Variants in FMOD observed in about 807,000 individuals in gnomAD.
FMOD encodes fibromodulin.
In FMOD, 15 loss-of-function variants were observed where a neutral mutation model predicts 27.0. That is an observed-to-expected ratio of 0.55 (90% CI 0.37 to 0.85). The LOEUF (loss-of-function observed/expected upper bound fraction) is 0.85. Among genes scored for constraint, FMOD ranks in the 40% least tolerant of loss-of-function variants. The pLI, the probability that FMOD is intolerant of heterozygous loss-of-function variation, is 0.00. For synonymous variants in FMOD, 210 were observed against 214.0 expected (o/e 0.98, Z 0.16); for missense variants, 460 against 483.2 (o/e 0.95, Z 0.45).
At position 203,347,925 on chromosome 1, in the gene FMOD, G is replaced by A; in HGVS notation, c.346C>T (p.Gln116Ter). 1 of 1,612,196 alleles carries A rather than the reference G, an allele frequency of 6.2e-7. No homozygotes were observed. Among genetic ancestry groups the A allele is most frequent in the African/African-American group, 1.3e-5 (1 of 74,996 alleles). The stretch of plus-strand genomic sequence containing the variant: ...ACGCCTTCCTGGATGGAGGTGATCT[G>A]GTTGTTCTGGAAGTACACATACTTC... ...RMKYVYFQNN[Q>*]ITSIQEGVFD... Residue 116 changes from glutamine (Q) to a stop codon, truncating the protein, a stop_gained, in exon 2 of 3, where the codon CAG becomes TAG. Coordinates refer to ENST00000354955, the MANE Select transcript of FMOD (RefSeq NM_002023.5). LOFTEE classifies it high-confidence loss of function.
At chr1:203,345,795 G>T (rs1658877274) in intron 2 of FMOD, among the ~76,000 whole-genome samples, 1 of 151,890 alleles carries the variant, frequency 6.6e-6, no homozygotes, top group South Asian at 2.1e-4. Flanking sequence ...CTACTCAAGA[G>T]GCTGAGGCAG....
chr1:203,345,232 G>T (rs2102302642), intron 2 of FMOD, among the ~76,000 whole-genome samples: 2 of 152,306 alleles, frequency 1.3e-5, no homozygotes, highest in Middle Eastern at 6.8e-3. Context: ...CAGAGAATTT[G>T]TTTGCGGGAC....
At chr1:203,348,765 G>C (rs1005491560) in intron 1 of FMOD, among the ~76,000 whole-genome samples, 1 of 152,238 alleles carries the variant, frequency 6.6e-6, no homozygotes, top group Non-Finnish European at 1.5e-5. Context: ...TAGGATGGGA[G>C]ACCTCCAGAA....
intron 1 of FMOD, among the ~76,000 whole-genome samples, chr1:203,349,157 C>T (rs1486865858): frequency 2.0e-5 from 3 of 152,236 alleles, no homozygotes; most frequent in African/African-American, 2.4e-5. Context: ...TAGCACTCCT[C>T]ATGCTCCACC....
Position 203,342,101 on chromosome 1 carries a change from G to A in FMOD, c.*242C>T. ...GATTTATGGGGTTGGAACATCCAGG[G>A]ATCCTTCCATCTACCACCACTTCTG... On this transcript the variant is annotated 3_prime_UTR_variant, in exon 3 of 3. Transcript: ENST00000354955. 1 of 477,926 alleles carries A rather than the reference G, an allele frequency of 2.1e-6. No homozygotes were observed. The highest frequency in any genetic ancestry group is 3.7e-6 in the Non-Finnish European group (1 of 268,904). The allele number at this position is 477,926 out of a possible 1,614,324, so 29.6% of individuals were successfully genotyped here. A position where few individuals can be genotyped will look rare whatever the true frequency, so the allele number is the denominator to read the frequency against.
intron 2 of FMOD, among the ~76,000 whole-genome samples, chr1:203,344,869 G>C (rs1207947674): frequency 6.6e-6 from 1 of 152,138 alleles, no homozygotes; most frequent in Non-Finnish European, 1.5e-5. Flanking sequence ...CCTGGCTCTA[G>C]GTCCTTTAGG....
chr1:203,348,984 C>T (rs1419150090), intron 1 of FMOD, among the ~76,000 whole-genome samples: 4 of 152,230 alleles, frequency 2.6e-5, no homozygotes, highest in Non-Finnish European at 5.9e-5. Context: ...TTTGTGGCTA[C>T]ACATGCAACT....
At chr1:203,344,196 G>T (rs1246541717) in intron 2 of FMOD, among the ~76,000 whole-genome samples, 1 of 152,130 alleles carries the variant, frequency 6.6e-6, no homozygotes, top group Non-Finnish European at 1.5e-5. Context: ...AAGCAAAGTG[G>T]CTCAGCTTAA....
chr1:203,342,441 G>T lies in FMOD; in HGVS notation c.1033C>A (p.Leu345Met), dbSNP rs1658811803. The change falls in exon 3 of 3, where the codon CTG becomes ATG. Residue 345 changes from leucine to methionine, a missense_variant. Physicochemically the swap from Leu to Met is conservative, Grantham distance 15. Coordinates refer to ENST00000354955, the MANE Select transcript of FMOD (RefSeq NM_002023.5). ...TVVDVVNFSK[L>M]QVLRLDGNEI... ...TTCCCGTCCAGGCGCAGCACCTGCA[G>T]CTTGGAGAAGTTCACGACGTCCACC... 6.2e-7 allele frequency: 1 copy of T among 1,614,214 alleles called. No homozygotes were observed. The highest frequency in any genetic ancestry group is 2.2e-5 in the East Asian group (1 of 44,886).
At chr1:203,350,576 A>AACACAC (rs754601876) in intron 1 of FMOD, among the ~76,000 whole-genome samples, 2,103 of 131,660 alleles carry the variant, frequency 0.016, 42 homozygotes, top group African/African-American at 0.058. Context: ...TTCCACTCCA[A>AACACAC]ACACACACAC....
At chr1:203,350,506 A>C (rs1571521486) in intron 1 of FMOD, among the ~76,000 whole-genome samples, 1 of 151,588 alleles carries the variant, frequency 6.6e-6, no homozygotes, top group African/African-American at 2.4e-5. Context: ...TTGCATCCCC[A>C]CCCCAATCCA....
Position 203,342,193 on chromosome 1 carries a change from C to G in FMOD, c.*150G>C, listed in dbSNP as rs113444349. ...AGGCTGCCTGTCCCTGATCGCCCCC[C>G]CTAACCCCACCTACAGGAAAGAAGA... On this transcript the variant is annotated 3_prime_UTR_variant, in exon 3 of 3. Transcript: ENST00000354955. 7.9e-5 allele frequency: 76 copies of G among 957,524 alleles called. No individual in the cohort carries two copies. Among genetic ancestry groups the G allele is most frequent in the Admixed American group, 8.8e-5 (3 of 34,080 alleles). The allele number at this position is 957,524 out of a possible 1,614,324, so 59.3% of individuals were successfully genotyped here.
At chr1:203,344,716 C>A (rs559911268) in intron 2 of FMOD, among the ~76,000 whole-genome samples, 4 of 152,284 alleles carry the variant, frequency 2.6e-5, no homozygotes, top group South Asian at 2.1e-4. Context: ...ACCTCCAACA[C>A]CCCCCATCCC....
Position 203,341,011 on chromosome 1 carries a change from G to A in FMOD, c.*1332C>T, listed in dbSNP as rs903754349. The A allele has an allele frequency of 1.3e-5, 2 of 152,324 alleles. No individual in the cohort carries two copies. Among genetic ancestry groups the A allele is most frequent in the Non-Finnish European group, 2.9e-5 (2 of 68,078 alleles). The allele number at this position is 152,324 out of a possible 1,614,324, so 9.4% of individuals were successfully genotyped here. Reference sequence around the variant, plus strand: ...CCAACCTTGCCCAAAGGGCAGGTGGGTTAAGCCCCAGGCAACATTACCTTT... The same window carrying A: ...CCAACCTTGCCCAAAGGGCAGGTGGATTAAGCCCCAGGCAACATTACCTTT... On this transcript the variant is annotated 3_prime_UTR_variant, in exon 3 of 3. Coordinates refer to ENST00000354955, the MANE Select transcript of FMOD (RefSeq NM_002023.5).
chr1:203,343,212 CT>C (rs1658827609), intron 2 of FMOD, among the ~76,000 whole-genome samples: 1 of 152,124 alleles, frequency 6.6e-6, no homozygotes, highest in Non-Finnish European at 1.5e-5. Context: ...TTTTTTAAAC[CT>C]GAAAAGAAGT....
chr1:203,348,823 C>A (rs111300721), intron 1 of FMOD, among the ~76,000 whole-genome samples: 2,364 of 152,336 alleles, frequency 0.016, 63 homozygotes, highest in African/African-American at 0.054. Context: ...TCTGGAAAAT[C>A]TTTTGGTCTC....
chr1:203,341,925 C>G lies in FMOD; in HGVS notation c.*418G>C, dbSNP rs747001154. ...AGCAACAAATGGGAGCCCAGAGTAACTGCACGACCAGCCCAGCACAGAGGG... is the reference window on the plus strand; with the variant it reads ...AGCAACAAATGGGAGCCCAGAGTAAGTGCACGACCAGCCCAGCACAGAGGG... On this transcript the variant is annotated 3_prime_UTR_variant, in exon 3 of 3. Transcript: ENST00000354955. 1.9e-5 allele frequency: 3 copies of G among 158,712 alleles called. No homozygotes were observed. The highest frequency in any genetic ancestry group is 4.1e-5 in the Non-Finnish European group (3 of 72,662). 9.8% of individuals were successfully genotyped at this position (158,712 alleles called of 1,614,324 possible). A position where few individuals can be genotyped will look rare whatever the true frequency, so the allele number is the denominator to read the frequency against.
chr1:203,345,489 A>T (rs1439471623), intron 2 of FMOD, among the ~76,000 whole-genome samples: 1 of 152,228 alleles, frequency 6.6e-6, no homozygotes, highest in Non-Finnish European at 1.5e-5. Context: ...TACGTGTGAC[A>T]TTTCTGATGT....
intron 2 of FMOD, among the ~76,000 whole-genome samples, chr1:203,345,911 A>AAG: frequency 6.6e-6 from 1 of 151,150 alleles, no homozygotes; most frequent in Non-Finnish European, 1.5e-5. Context: ...AAAAAAAAAA[A>AAG]AGACGTCTTA....
Sources: gnomAD v4.1 joint callset for allele counts (sites outside exome capture counted in the v4.1 genomes callset) on GRCh38, gnomAD v4.1.1 for gene constraint, MANE v1.5 for transcripts, NCBI Gene and HGNC (gene_info 2026-07-23, HGNC 2026-07-21) for gene names.